Variants in SIGLEC1 observed in about 807,000 individuals in gnomAD.
The protein encoded by SIGLEC1 is sialoadhesin.
In SIGLEC1, 132 loss-of-function variants were observed where a neutral mutation model predicts 148.0. The ratio of observed to expected loss-of-function variants is 0.89; its 90% CI spans 0.77 to 1.03. The LOEUF (loss-of-function observed/expected upper bound fraction) is 1.03, where lower values mean the gene tolerates loss of function less well. Among genes scored for constraint, SIGLEC1 ranks in the 50% least tolerant of loss-of-function variants. The pLI is 0.00. For synonymous variants in SIGLEC1, 945 were observed against 969.0 expected (o/e 0.98, Z 0.46); for missense variants, 2,253 against 2,271.4 (o/e 0.99, Z 0.16).
intron 6 of SIGLEC1, among the ~76,000 whole-genome samples, chr20:3,702,321 C>T (rs929066559): frequency 6.6e-6 from 1 of 152,154 alleles, no homozygotes; most frequent in Non-Finnish European, 1.5e-5. Context: ...TGTAGTGGCT[C>T]ATACCTGTAA....
intron 7 of SIGLEC1, 123 bp downstream of exon 7, chr20:3,701,219 A>T: frequency 2.2e-6 from 2 of 908,328 alleles, no homozygotes; most frequent in Non-Finnish European, 3.3e-6. Context: ...CCTGTCTTTT[A>T]TGTGGCGTAG....
At chr20:3,702,758 TAG>T (rs938055207) in intron 6 of SIGLEC1, among the ~76,000 whole-genome samples, 1 of 152,156 alleles carries the variant, frequency 6.6e-6, no homozygotes, top group African/African-American at 2.4e-5. Flanking sequence ...CATATGTATA[TAG>T]AGTGTCCATA....
chr20:3,693,618 G>A lies in SIGLEC1; in HGVS notation c.3337C>T (p.His1113Tyr). The change falls in exon 14 of 22, where the codon CAC (histidine) becomes TAC (tyrosine). Residue 1113 changes from histidine (H) to tyrosine (Y), a missense_variant. His to Tyr is a moderately conservative substitution (Grantham distance 83). Coordinates refer to ENST00000344754, the MANE Select transcript of SIGLEC1 (RefSeq NM_023068.4). Reference protein sequence around the residue: ...VNLTCLVWTTHPAQLTYTWYQ... With the variant: ...VNLTCLVWTTYPAQLTYTWYQ... ...CATGTGTAGGTGAGCTGGGCCGGGT[G>A]AGTGGTCCACACAAGGCAGGTCAGG... 2 of 1,612,758 alleles carry A rather than the reference G, an allele frequency of 1.2e-6. No homozygotes were observed. Among genetic ancestry groups the A allele is most frequent in the African/African-American group, 1.3e-5 (1 of 75,040 alleles).
Position 3,694,174 on chromosome 20 carries a change from GACACACACACACAC to G in SIGLEC1, c.3256+33_3256+46del, listed in dbSNP as rs59383643. On this transcript the variant is annotated intron_variant, in intron 13 of 21. Transcript: ENST00000344754. ...TCCCACCTCCTCTCCTCTTTTAAAG[GACACACACACACAC>G]ACACACACACACACACACACACACA... is the stretch of plus-strand genomic sequence containing the variant. 5.7e-4 allele frequency: 660 copies of G among 1,165,432 alleles called. 1 individual carries two copies. The highest frequency in any genetic ancestry group is 4.5e-3 in the African/African-American group (295 of 65,000). The allele number at this position is 1,165,432 out of a possible 1,614,324, so 72.2% of individuals were successfully genotyped here.
At chr20:3,689,034 ACT>A in intron 21 of SIGLEC1, 119 bp downstream of exon 21, 2 of 865,644 alleles carry the variant, frequency 2.3e-6, no homozygotes, top group South Asian at 2.9e-5. Flanking sequence ...TTCCCTGCAC[ACT>A]CTCCCCAACC....
chr20:3,691,548 C>T lies in SIGLEC1; in HGVS notation c.4383G>A (p.Leu1461=), dbSNP rs2088762941. The change falls in exon 18 of 22, where the codon CTG becomes CTA. Residue 1461 remains leucine (L), a synonymous_variant. Coordinates refer to ENST00000344754, the MANE Select transcript of SIGLEC1 (RefSeq NM_023068.4). The part of the protein sequence containing the change: ...PGLDVPEGAA[L]NLSCRLLGGP... ...CACCCAGGAGGCGGCAGCTGAGGTT[C>T]AGGGCAGCGCCCTCAGGCACGTCCA... The T allele has an allele frequency of 6.2e-7, 1 of 1,613,126 alleles. No homozygotes were observed. The highest frequency in any genetic ancestry group is 8.5e-7 in the Non-Finnish European group (1 of 1,179,992).
At chr20:3,693,856 G>A (rs2088792572) in intron 13 of SIGLEC1, among the ~76,000 whole-genome samples, 158 bp from the exon 14 acceptor site, 1 of 152,158 alleles carries the variant, frequency 6.6e-6, no homozygotes, top group Admixed American at 6.5e-5. Flanking sequence ...TAGAAGTCAA[G>A]CTTGGGAATA....
chr20:3,696,496 C>T (rs1396837232), intron 11 of SIGLEC1, 90 bp downstream of exon 11: 3 of 1,317,992 alleles, frequency 2.3e-6, no homozygotes, highest in Non-Finnish European at 3.1e-6. Flanking sequence ...CATATTTCTG[C>T]ACAAAATTCA....
Position 3,693,004 on chromosome 20 carries a change from C to T in SIGLEC1, c.3636G>A (p.Leu1212=), listed in dbSNP as rs1812019873. The change falls in exon 15 of 22, where the codon TTG becomes TTA. Residue 1212 remains leucine, a synonymous_variant. Coordinates refer to ENST00000344754, the MANE Select transcript of SIGLEC1 (RefSeq NM_023068.4). The stretch of plus-strand genomic sequence containing the variant: ...GGACAGAGGCTGCTGTCGAGGAGGC[C>T]AAGAGGCGACCGGCGTGGCTGAGGG... The part of the protein sequence containing the change: ...QLALSHAGRL[L]ASSTAASVPN... 2 of 1,612,112 alleles carry T rather than the reference C, an allele frequency of 1.2e-6. No homozygotes were observed. The highest frequency in any genetic ancestry group is 1.7e-6 in the Non-Finnish European group (2 of 1,179,746).
chr20:3,699,962 C>A (rs144378999), intron 7 of SIGLEC1, among the ~76,000 whole-genome samples: 1 of 151,272 alleles, frequency 6.6e-6, no homozygotes, highest in African/African-American at 2.4e-5. Context: ...AGGTGTGCCA[C>A]CACACCCAGC....
Position 3,688,388 on chromosome 20 carries a change from A to C in SIGLEC1, c.*172T>G. The C allele has an allele frequency of 3.0e-6, 2 of 676,590 alleles. No individual in the cohort carries two copies. Among genetic ancestry groups the C allele is most frequent in the Non-Finnish European group, 5.4e-6 (2 of 372,312 alleles). 41.9% of individuals were successfully genotyped at this position (676,590 alleles called of 1,614,324 possible). A position where few individuals can be genotyped will look rare whatever the true frequency, so the allele number is the denominator to read the frequency against. On this transcript the variant is annotated 3_prime_UTR_variant, in exon 22 of 22. Transcript: ENST00000344754. Reference sequence around the variant, plus strand: ...CACCCTCCTGGGCAGACCTCTCACCACCCATTTTTGGGGGGGCAAGAGGCT... The same window carrying C: ...CACCCTCCTGGGCAGACCTCTCACCCCCCATTTTTGGGGGGGCAAGAGGCT...
rs775386023 is a variant in SIGLEC1, at chr20:3,699,407, C to T, written c.1581G>A (p.Val527=). Reference sequence around the variant, plus strand: ...TTAGGCCGCTTCTGCAGCTCAGTGTCACTGCCTGTCCTTCCACCACCTCGG... The same window carrying T: ...TTAGGCCGCTTCTGCAGCTCAGTGTTACTGCCTGTCCTTCCACCACCTCGG... ...PAAEVVEGQA[V]TLSCRSGLSP... Residue 527 remains valine, a synonymous_variant, in exon 8 of 22, where the codon GTG becomes GTA. Coordinates refer to ENST00000344754, the MANE Select transcript of SIGLEC1 (RefSeq NM_023068.4). 1.2e-6 allele frequency: 2 copies of T among 1,609,716 alleles called. No individual in the cohort carries two copies. The highest frequency in any genetic ancestry group is 8.5e-7 in the Non-Finnish European group (1 of 1,178,774).
chr20:3,707,758 C>T (rs1464145477), intron 1 of SIGLEC1, among the ~76,000 whole-genome samples: 1 of 152,230 alleles, frequency 6.6e-6, no homozygotes, highest in Non-Finnish European at 1.5e-5. Flanking sequence ...CATTTCCTGC[C>T]CCCAGCTCTG....
intron 6 of SIGLEC1, 179 bp downstream of exon 6, chr20:3,703,018 G>A (rs558398399): frequency 1.5e-4 from 93 of 602,666 alleles, no homozygotes; most frequent in African/African-American, 1.4e-3. Flanking sequence ...TATAAAATAG[G>A]AGGGAACTAG....
rs766236461 is a variant in SIGLEC1, at chr20:3,691,471, C to T, written c.4460G>A (p.Arg1487Gln). Residue 1487 changes from arginine to glutamine, a missense_variant, in exon 18 of 22, where the codon CGG (arginine) becomes CAG (glutamine). Physicochemically the swap from Arg to Gln is conservative, Grantham distance 43 (BLOSUM62 1). Coordinates refer to ENST00000344754, the MANE Select transcript of SIGLEC1 (RefSeq NM_023068.4). ...STFAWFWNDR[R>Q]LHAEPVPTLA... ...AGTGGGCACAGGCTCCGCGTGCAGC[C>T]GCCGGTCATTCCAGAACCATGCAAA... is the stretch of plus-strand genomic sequence containing the variant. 18 of 1,613,328 alleles carry T rather than the reference C, an allele frequency of 1.1e-5. No individual in the cohort carries two copies. The highest frequency in any genetic ancestry group is 5.0e-5 in the Admixed American group (3 of 60,014).
In SIGLEC1 at chr20:3,697,829, G is replaced by A. The variant is rs34885739; in HGVS notation, c.2091C>T (p.Asn697=). The A allele has an allele frequency of 2.3e-3, 3,637 of 1,612,838 alleles. 9 individuals are homozygous for A. Among genetic ancestry groups the A allele is most frequent in the Non-Finnish European group, 2.9e-3 (3,381 of 1,179,946 alleles). ...CATTGAAGGTGGCTGAGGTGGAGGCGTTGCCCAGGGCATTGCTGGCCTCAC... is the reference window on the plus strand; with the variant it reads ...CATTGAAGGTGGCTGAGGTGGAGGCATTGCCCAGGGCATTGCTGGCCTCAC... The part of the protein sequence containing the change: ...YLCEASNALG[N]ASTSATFNGQ... The change falls in exon 9 of 22, where the codon AAC becomes AAT. Residue 697 remains asparagine (N), a synonymous_variant. Transcript: ENST00000344754.
intron 17 of SIGLEC1, 35 bp from the exon 18 acceptor site, chr20:3,691,635 TG>T (rs1480578577): frequency 8.7e-6 from 14 of 1,600,092 alleles, no homozygotes; most frequent in Non-Finnish European, 1.2e-5. Context: ...ATTGGGGATC[TG>T]TAGGCCTTGG....
Position 3,697,194 on chromosome 20 carries a change from CT to C in SIGLEC1, c.2270del (p.Glu757GlyfsTer3). On this transcript the variant is annotated frameshift_variant, in exon 10 of 22. Coordinates refer to ENST00000344754, the MANE Select transcript of SIGLEC1 (RefSeq NM_023068.4). LOFTEE classifies it high-confidence loss of function. ...TGGCCACGGGCAGCAGTGTCACGGT[CT>C]CCAGGGGACCCTGGGCCCACAGCAC... ...NGVLWAQGPL[E>X]TVTLLPVART... The C allele has an allele frequency of 1.9e-6, 3 of 1,613,916 alleles. No individual in the cohort carries two copies. Among genetic ancestry groups the C allele is most frequent in the Non-Finnish European group, 2.5e-6 (3 of 1,180,046 alleles).
chr20:3,688,394 T>A lies in SIGLEC1; in HGVS notation c.*166A>T, dbSNP rs1442778286. ...CCTGGGCAGACCTCTCACCACCCAT[T>A]TTTGGGGGGGCAAGAGGCTTGGGGC... On this transcript the variant is annotated 3_prime_UTR_variant, in exon 22 of 22. Transcript: ENST00000344754. 1.5e-6 allele frequency: 1 copy of A among 682,330 alleles called. No homozygotes were observed. The highest frequency in any genetic ancestry group is 1.8e-5 in the African/African-American group (1 of 56,626). 42.3% of individuals were successfully genotyped at this position (682,330 alleles called of 1,614,324 possible). A position where few individuals can be genotyped will look rare whatever the true frequency, so the allele number is the denominator to read the frequency against.
Sources: allele counts gnomAD v4.1 joint callset (sites outside exome capture counted in the v4.1 genomes callset), GRCh38; gene constraint gnomAD v4.1.1; transcripts MANE v1.5; gene names NCBI Gene and HGNC (gene_info 2026-07-23, HGNC 2026-07-21).